The following NXPE2 variants were observed in gnomAD, a reference collection of about 807,000 sequenced individuals.
The protein encoded by NXPE2 is neurexophilin and PC-esterase domain family member 2.
NXPE2 carries 34 observed loss-of-function variants against 34.4 expected under a neutral mutation model. That is an observed-to-expected ratio of 0.99 (90% CI 0.75 to 1.31). The LOEUF (loss-of-function observed/expected upper bound fraction) is 1.31. Among genes scored for constraint, NXPE2 ranks in the 40% most tolerant of loss-of-function variants. NXPE2 has a pLI of 0.00. For missense variants in NXPE2, 649 were observed against 672.5 expected (o/e 0.97, Z 0.39); for synonymous variants, 235 against 231.3 (o/e 1.02, Z -0.15).
chr11:114,546,431 T>C, the NXPE2 span, among the ~76,000 whole-genome samples: 1 of 151,942 alleles, frequency 6.6e-6, no homozygotes, highest in South Asian at 2.1e-4. Context: ...TATGCATGTA[T>C]TACTGGCTAG....
the NXPE2 span, chr11:114,584,574 A>C: frequency 6.0e-6 from 1 of 165,586 alleles, no homozygotes; most frequent in African/African-American, 2.4e-5. Flanking sequence ...CAAAAAAGCC[A>C]AGAGGATTAA....
the NXPE2 span, among the ~76,000 whole-genome samples, chr11:114,653,040 A>G: frequency 6.6e-6 from 1 of 152,222 alleles, no homozygotes; most frequent in Non-Finnish European, 1.5e-5. Context: ...TGTAGAACTC[A>G]TCATTATATA....
At chr11:114,757,732 C>A in the NXPE2 span, among the ~76,000 whole-genome samples, 1 of 152,036 alleles carries the variant, frequency 6.6e-6, no homozygotes, top group Non-Finnish European at 1.5e-5. Context: ...GGAAGAGTGG[C>A]AAATGGGATA....
chr11:114,733,813 A>G, the NXPE2 span, among the ~76,000 whole-genome samples: 2 of 152,088 alleles, frequency 1.3e-5, no homozygotes, highest in African/African-American at 2.4e-5. Flanking sequence ...TTTAACTTGA[A>G]TTACCTCCAG....
the NXPE2 span, among the ~76,000 whole-genome samples, chr11:114,541,732 T>C: frequency 6.6e-5 from 10 of 152,302 alleles, no homozygotes; most frequent in African/African-American, 2.4e-4. Flanking sequence ...TTGGTTGAGT[T>C]TGTATAAAGA....
At chr11:114,551,202 G>A in the NXPE2 span, 1 of 1,522,240 alleles carries the variant, frequency 6.6e-7, no homozygotes, top group Non-Finnish European at 8.8e-7. Context: ...TTGAGGACAT[G>A]ACGAATGTCC....
chr11:114,763,865 A>G, the NXPE2 span, among the ~76,000 whole-genome samples: 1 of 152,174 alleles, frequency 6.6e-6, no homozygotes, highest in African/African-American at 2.4e-5. Flanking sequence ...TCTAATTAGC[A>G]TTACTTTTTA....
chr11:114,600,935 A>G, the NXPE2 span, among the ~76,000 whole-genome samples: 1 of 152,070 alleles, frequency 6.6e-6, no homozygotes. Flanking sequence ...ATAGTTCTCC[A>G]TGAAATGATT....
At chr11:114,536,348 C>T in the NXPE2 span, among the ~76,000 whole-genome samples, 2 of 152,128 alleles carry the variant, frequency 1.3e-5, no homozygotes, top group Admixed American at 6.6e-5. Flanking sequence ...GAAAAATTGA[C>T]ACCCTAACAT....
the NXPE2 span, among the ~76,000 whole-genome samples, chr11:114,557,844 A>G: frequency 6.6e-6 from 1 of 151,738 alleles, no homozygotes; most frequent in East Asian, 1.9e-4. Context: ...AAAAAATCTT[A>G]TTTTGCTTTC....
intron 3 of NXPE2, among the ~76,000 whole-genome samples, chr11:114,699,878 C>T (rs1182562466): frequency 6.6e-6 from 1 of 151,940 alleles, no homozygotes; most frequent in Admixed American, 6.6e-5. Context: ...ACTGCAACCT[C>T]CGCCTCCTGG....
the NXPE2 span, among the ~76,000 whole-genome samples, chr11:114,476,075 T>C: frequency 1.3e-5 from 2 of 152,188 alleles, no homozygotes; most frequent in Non-Finnish European, 2.9e-5. Flanking sequence ...TGACTGAAAT[T>C]TGAACCATGT....
At chr11:114,618,112 C>T in the NXPE2 span, among the ~76,000 whole-genome samples, 45 of 132,820 alleles carry the variant, frequency 3.4e-4, no homozygotes, top group Non-Finnish European at 5.9e-4. Context: ...TATTAAGTGT[C>T]GCCTCGTGGG....
At chr11:114,530,881 A>C in the NXPE2 span, 4 of 1,612,432 alleles carry the variant, frequency 2.5e-6, no homozygotes, top group Non-Finnish European at 3.4e-6. Context: ...TAATGGACAG[A>C]GATGGATAAG....
At chr11:114,509,874 A>G in the NXPE2 span, among the ~76,000 whole-genome samples, 2 of 152,174 alleles carry the variant, frequency 1.3e-5, no homozygotes, top group African/African-American at 2.4e-5. Flanking sequence ...AACTCCCATG[A>G]CACAAGCTTA....
the NXPE2 span, among the ~76,000 whole-genome samples, chr11:114,731,856 T>G: frequency 3.3e-5 from 5 of 152,220 alleles, no homozygotes; most frequent in Non-Finnish European, 7.3e-5. Flanking sequence ...TGTAGTATAC[T>G]TTCGTATTAT....
At chr11:114,798,119 T>C in the NXPE2 span, among the ~76,000 whole-genome samples, 8 of 152,236 alleles carry the variant, frequency 5.3e-5, no homozygotes, top group South Asian at 8.3e-4. Context: ...AAGAGAATAC[T>C]GCTCTAACAT....
At chr11:114,643,263 A>G in the NXPE2 span, among the ~76,000 whole-genome samples, 1 of 152,118 alleles carries the variant, frequency 6.6e-6, no homozygotes, top group East Asian at 1.9e-4. Flanking sequence ...TAGTTTAATT[A>G]GATCCCATTT....
At chr11:114,505,423 A>AT in the NXPE2 span, among the ~76,000 whole-genome samples, 12 of 152,108 alleles carry the variant, frequency 7.9e-5, no homozygotes, top group African/African-American at 2.9e-4. Flanking sequence ...ACATATGATC[A>AT]TCAGATTCTC....
Sources: allele counts gnomAD v4.1 joint callset (sites outside exome capture counted in the v4.1 genomes callset), GRCh38; gene constraint gnomAD v4.1.1; transcripts MANE v1.5; gene names NCBI Gene and HGNC (gene_info 2026-07-23, HGNC 2026-07-21).